The following ERBB4 variants were observed in gnomAD, a reference collection of about 807,000 sequenced individuals.
The protein encoded by ERBB4 is erb-b2 receptor tyrosine kinase 4, also known as receptor tyrosine-protein kinase erbB-4.
In ERBB4, 42 loss-of-function variants were observed where a neutral mutation model predicts 158.0. The ratio of observed to expected loss-of-function variants is 0.27; its 90% CI spans 0.21 to 0.34. ERBB4 has a LOEUF of 0.34. Ranked by LOEUF, ERBB4 falls within the 10% of genes least tolerant of loss-of-function variation. The pLI is 1.00. For synonymous variants in ERBB4, 583 were observed against 558.7 expected (o/e 1.04, Z -0.61); for missense variants, 1,333 against 1,624.1 (o/e 0.82, Z 3.08).
At chr2:211,744,705 T>C (rs185647280) in intron 5 of ERBB4, among the ~76,000 whole-genome samples, 3 of 152,322 alleles carry the variant, frequency 2.0e-5, no homozygotes, top group Non-Finnish European at 4.4e-5. Flanking sequence ...TCCCAGCACA[T>C]TTGCTAGGAG....
At position 211,377,702 on chromosome 2, in the gene ERBB4, C is replaced by T. The variant is rs1213593446; in HGVS notation, c.*5913G>A. On this transcript the variant is annotated 3_prime_UTR_variant, in exon 28 of 28. Coordinates refer to ENST00000342788, the MANE Select transcript of ERBB4 (RefSeq NM_005235.3). ...TAGGAACCAAATAAGATGAATAAAGCAAATAAGTTAATTTACTGGCAAAAA... is the reference window on the plus strand; with the variant it reads ...TAGGAACCAAATAAGATGAATAAAGTAAATAAGTTAATTTACTGGCAAAAA... The T allele has an allele frequency of 8.6e-6, 2 of 232,226 alleles. No individual in the cohort carries two copies. Among genetic ancestry groups the T allele is most frequent in the East Asian group, 6.1e-5 (1 of 16,438 alleles). 14.4% of individuals were successfully genotyped at this position (232,226 alleles called of 1,614,324 possible). A position where few individuals can be genotyped will look rare whatever the true frequency, so the allele number is the denominator to read the frequency against.
intron 1 of ERBB4, among the ~76,000 whole-genome samples, chr2:212,290,312 C>T (rs181045055): frequency 2.0e-5 from 3 of 152,176 alleles, no homozygotes; most frequent in Non-Finnish European, 2.9e-5. Context: ...ACGACTTCTA[C>T]GTGTACAGAT....
intron 1 of ERBB4, among the ~76,000 whole-genome samples, chr2:212,475,975 T>A (rs1349753713): frequency 6.6e-6 from 1 of 152,070 alleles, no homozygotes; most frequent in African/African-American, 2.4e-5. Context: ...GCAAGAGGGA[T>A]CTTTTGAAAT....
intron 1 of ERBB4, among the ~76,000 whole-genome samples, chr2:212,277,861 CAG>C (rs1429275845): frequency 6.6e-6 from 1 of 151,498 alleles, no homozygotes; most frequent in African/African-American, 2.4e-5. Context: ...AATCAGTAAA[CAG>C]AGGAGTATGA....
chr2:212,410,333 C>T (rs141493573), intron 1 of ERBB4, among the ~76,000 whole-genome samples: 1,804 of 151,902 alleles, frequency 0.012, 36 homozygotes, highest in African/African-American at 0.041. Flanking sequence ...AATTTCATTA[C>T]GTACAAATCA....
intron 2 of ERBB4, among the ~76,000 whole-genome samples, chr2:212,116,026 G>C (rs1244205999): frequency 6.6e-6 from 1 of 151,932 alleles, no homozygotes; most frequent in Non-Finnish European, 1.5e-5. Context: ...TTTGCAAACA[G>C]TTTTATTGTT....
chr2:212,397,826 C>A (rs912721070), intron 1 of ERBB4, among the ~76,000 whole-genome samples: 1 of 151,954 alleles, frequency 6.6e-6, no homozygotes, highest in African/African-American at 2.4e-5. Flanking sequence ...GGATATTGAT[C>A]AATTGTCAAA....
chr2:211,508,840 G>A lies in ERBB4; in HGVS notation c.2487+53063C>T, dbSNP rs536421539. On this transcript the variant is annotated intron_variant, in intron 20 of 27. Coordinates refer to ENST00000342788, the MANE Select transcript of ERBB4 (RefSeq NM_005235.3). ...AGCTACTCAGGAGGCTGAGGCAGGA[G>A]AATGGAGTGAACCCAGGAGGCGGAG... 2.3e-3 allele frequency among the ~76,000 whole-genome samples: 349 copies of A among 152,238 alleles called. 1 individual carries two copies. The highest frequency in any genetic ancestry group is 3.1e-3 in the Non-Finnish European group (210 of 68,016).
chr2:211,688,357 T>C (rs752823927), intron 12 of ERBB4, among the ~76,000 whole-genome samples: 8 of 152,164 alleles, frequency 5.3e-5, no homozygotes, highest in Non-Finnish European at 1.0e-4. Context: ...CCTAGCTCTG[T>C]CTTCTCAACC....
chr2:212,463,438 T>G (rs1688673104), intron 1 of ERBB4, among the ~76,000 whole-genome samples: 1 of 152,118 alleles, frequency 6.6e-6, no homozygotes. Context: ...GATTAAGATA[T>G]ATCTATCTAC....
At chr2:211,980,044 C>A (rs2081745445) in intron 2 of ERBB4, among the ~76,000 whole-genome samples, 1 of 151,996 alleles carries the variant, frequency 6.6e-6, no homozygotes, top group Non-Finnish European at 1.5e-5. Flanking sequence ...TTAATCGCAA[C>A]CTTATTTTGA....
At chr2:211,874,313 T>C (rs943120400) in intron 3 of ERBB4, among the ~76,000 whole-genome samples, 1 of 152,192 alleles carries the variant, frequency 6.6e-6, no homozygotes, top group Admixed American at 6.5e-5. Context: ...ATAATCTGAA[T>C]AGAGAACTGT....
At chr2:211,839,152 A>AAGGAGGAGGAGGAGGAGG (rs71409858) in intron 3 of ERBB4, among the ~76,000 whole-genome samples, 2 of 110,906 alleles carry the variant, frequency 1.8e-5, no homozygotes, top group Non-Finnish European at 3.7e-5. Context: ...GGAGAGAGAG[A>AAGGAGGAGGAGGAGGAGG]AGGAGGAGGA....
At chr2:211,427,654 T>C (rs1186881197) in intron 22 of ERBB4, among the ~76,000 whole-genome samples, 2 of 152,186 alleles carry the variant, frequency 1.3e-5, no homozygotes. Flanking sequence ...GTAATTTTTC[T>C]TTGTTATGAC....
intron 19 of ERBB4, among the ~76,000 whole-genome samples, chr2:211,596,768 C>CT (rs879316511): frequency 0.021 from 3,129 of 147,298 alleles, 102 homozygotes; most frequent in African/African-American, 0.073. Context: ...CCCACTTACT[C>CT]TTTTTTTTTT....
At chr2:212,443,142 T>G (rs1328885702) in intron 1 of ERBB4, among the ~76,000 whole-genome samples, 1 of 152,252 alleles carries the variant, frequency 6.6e-6, no homozygotes, top group Non-Finnish European at 1.5e-5. Flanking sequence ...TTCTTTCAGC[T>G]GGCAAGGCCA....
chr2:211,787,079 A>G (rs1293229799), intron 4 of ERBB4, among the ~76,000 whole-genome samples: 1 of 152,190 alleles, frequency 6.6e-6, no homozygotes, highest in East Asian at 1.9e-4. Context: ...CCATGATGAA[A>G]TTTAATAATT....
rs2090200436 is a variant in ERBB4 at position 212,373,918 on chromosome 2, T to TATATATATCC, written c.82+164530_82+164531insGGATATATAT. On this transcript the variant is annotated intron_variant, in intron 1 of 27. Transcript: ENST00000342788. ...ATATATATATCCATGTATATATCCA[T>TATATATATCC]ATATATATATCCATATATATCCATA... Among the ~76,000 whole-genome samples, 9 of 57,304 alleles carry TATATATATCC rather than the reference T, an allele frequency of 1.6e-4. 3 individuals are homozygous for TATATATATCC. Among genetic ancestry groups the TATATATATCC allele is most frequent in the Non-Finnish European group, 2.9e-4 (9 of 31,134 alleles). 37.6% of individuals were successfully genotyped at this position (57,304 alleles called of 152,430 possible). A position where few individuals can be genotyped will look rare whatever the true frequency, so the allele number is the denominator to read the frequency against.
rs2064846181 is a variant in ERBB4 at position 211,472,314 on chromosome 2, A to G, written c.2488-41214T>C. ...AATAATATTTATTATAAATCTTATT[A>G]TATTAAATATAATATTTAATAATAT... On this transcript the variant is annotated intron_variant, in intron 20 of 27. Coordinates refer to ENST00000342788, the MANE Select transcript of ERBB4 (RefSeq NM_005235.3). Among the ~76,000 whole-genome samples, 4 of 148,784 alleles carry G rather than the reference A, an allele frequency of 2.7e-5. No individual in the cohort carries two copies. In the South Asian group the frequency reaches 8.4e-4, roughly 31 times the overall value.
Sources: allele counts gnomAD v4.1 joint callset (sites outside exome capture counted in the v4.1 genomes callset), GRCh38; gene constraint gnomAD v4.1.1; transcripts MANE v1.5; gene names NCBI Gene and HGNC (gene_info 2026-07-23, HGNC 2026-07-21).